SNX29: variants seen among roughly 807,000 people sequenced by gnomAD.
The protein encoded by SNX29 is sorting nexin 29, also known as sorting nexin-29.
Under a neutral mutation model 102.1 loss-of-function variants are expected in SNX29, and 78 were observed. The observed-to-expected ratio is 0.76, with a 90% CI of 0.64 to 0.92. SNX29 has a LOEUF of 0.92. Ranked by LOEUF, SNX29 falls within the 40% of genes least tolerant of loss-of-function variation. The pLI is 0.00. For missense variants in SNX29, 1,280 were observed against 1,061.7 expected (o/e 1.21, Z -2.86); for synonymous variants, 580 against 414.5 (o/e 1.40, Z -4.85).
chr16:12,350,259 C>T (rs2081956652), intron 15 of SNX29, among the ~76,000 whole-genome samples: 1 of 152,188 alleles, frequency 6.6e-6, no homozygotes, highest in Non-Finnish European at 1.5e-5. Flanking sequence ...GGGGAGAATG[C>T]ATCTGTACTG....
chr16:12,304,913 A>T (rs1284527206), intron 15 of SNX29, among the ~76,000 whole-genome samples: 2 of 152,224 alleles, frequency 1.3e-5, no homozygotes, highest in African/African-American at 2.4e-5. Context: ...AGCTGCCTTG[A>T]TCATCTATTT....
In SNX29 at chr16:12,535,764, T is replaced by C. The variant is rs908593207; in HGVS notation, c.2318+10923T>C. 2.6e-5 allele frequency among the ~76,000 whole-genome samples: 4 copies of C among 152,036 alleles called. No homozygotes were observed. The East Asian group carries it at 7.7e-4, about 29-fold the overall frequency. On this transcript the variant is annotated intron_variant, in intron 20 of 20. Coordinates refer to ENST00000566228, the MANE Select transcript of SNX29 (RefSeq NM_032167.5). The stretch of plus-strand genomic sequence containing the variant: ...CGCTCGTCTTCCACCACTGTGTGTC[T>C]CCTCTGGAGGTCCTCAGAGTATAGA...
chr16:12,536,115 C>T (rs1341315508), intron 20 of SNX29, among the ~76,000 whole-genome samples: 1 of 152,148 alleles, frequency 6.6e-6, no homozygotes, highest in African/African-American at 2.4e-5. Flanking sequence ...GAAGGGTGAA[C>T]ACAGCCCAGC....
chr16:12,262,319 C>G (rs959772181), intron 14 of SNX29, among the ~76,000 whole-genome samples: 3 of 152,154 alleles, frequency 2.0e-5, no homozygotes, highest in African/African-American at 4.8e-5. Flanking sequence ...GGTGACTGTT[C>G]AGGGTCACAG....
chr16:12,546,310 G>T (rs1296669154), intron 20 of SNX29: 1 of 152,262 alleles, frequency 6.6e-6, no homozygotes, highest in African/African-American at 2.4e-5. Context: ...ACCTGAGACT[G>T]TGCAATTTAC....
chr16:12,572,341 C>G lies in SNX29; in HGVS notation c.*3712C>G, dbSNP rs925025006. ...ACAGGAGTGAAGCCCACCAGCCTGC[C>G]TGGTTGATGGACAGCAGGCTCTGCC... On this transcript the variant is annotated 3_prime_UTR_variant, in exon 21 of 21. Coordinates refer to ENST00000566228, the MANE Select transcript of SNX29 (RefSeq NM_032167.5). 2 of 1,063,368 alleles carry G rather than the reference C, an allele frequency of 1.9e-6. No homozygotes were observed. Among genetic ancestry groups the G allele is most frequent in the South Asian group, 4.5e-5 (1 of 21,982 alleles). The allele number at this position is 1,063,368 out of a possible 1,614,324, so 65.9% of individuals were successfully genotyped here.
intron 14 of SNX29, among the ~76,000 whole-genome samples, chr16:12,274,371 G>A (rs529630816): frequency 6.6e-6 from 1 of 152,186 alleles, no homozygotes; most frequent in Non-Finnish European, 1.5e-5. Context: ...GTCTGTGAGT[G>A]AGGCTTGCTT....
At chr16:12,516,414 G>A (rs2089866164) in intron 19 of SNX29, among the ~76,000 whole-genome samples, 2 of 151,428 alleles carry the variant, frequency 1.3e-5, no homozygotes, top group African/African-American at 4.9e-5. Context: ...TGGGAGGTCA[G>A]GGCTGCAGTG....
chr16:12,250,163 G>T (rs1483021264), intron 14 of SNX29, among the ~76,000 whole-genome samples: 1 of 152,188 alleles, frequency 6.6e-6, no homozygotes, highest in Non-Finnish European at 1.5e-5. Flanking sequence ...GTGGCCAAAG[G>T]GTTCCAGGCA....
Position 12,533,470 on chromosome 16 carries a change from C to T in SNX29, c.2318+8629C>T, listed in dbSNP as rs210725. ...AATGTTGCACCTCCCCACCCCCATC[C>T]CCAGCAGTGGGGTTCCTGGACAGAC... On this transcript the variant is annotated intron_variant, in intron 20 of 20. Transcript: ENST00000566228. Among the ~76,000 whole-genome samples the T allele has an allele frequency of 8.2e-3, 1,256 of 152,300 alleles. 16 individuals are homozygous for T. The highest frequency in any genetic ancestry group is 0.028 in the African/African-American group (1,169 of 41,544).
intron 14 of SNX29, among the ~76,000 whole-genome samples, chr16:12,270,597 C>G (rs1175715080): frequency 6.6e-6 from 1 of 152,196 alleles, no homozygotes; most frequent in East Asian, 1.9e-4. Flanking sequence ...AGTCGATTCC[C>G]TCACTTTGTA....
intron 20 of SNX29, among the ~76,000 whole-genome samples, chr16:12,550,765 G>T (rs942019879): frequency 2.0e-5 from 3 of 150,608 alleles, no homozygotes; most frequent in African/African-American, 7.4e-5. Context: ...AGTTGAAAAA[G>T]TGTAGAGGCT....
intron 11 of SNX29, among the ~76,000 whole-genome samples, chr16:12,113,199 C>T (rs2053565165): frequency 6.6e-6 from 1 of 152,196 alleles, no homozygotes; most frequent in South Asian, 2.1e-4. Context: ...TTTCATTTTG[C>T]AGATGCCTAA....
chr16:11,981,398 C>G (rs921283491), intron 1 of SNX29, among the ~76,000 whole-genome samples: 1 of 152,096 alleles, frequency 6.6e-6, no homozygotes, highest in South Asian at 2.1e-4. Context: ...GCCACCATGC[C>G]TGGGCTCTTT....
chr16:12,333,106 A>ATTTTTT lies in SNX29; in HGVS notation c.1783-23045_1783-23040dup, dbSNP rs34047585. Among the ~76,000 whole-genome samples, 253 of 135,764 alleles carry ATTTTTT rather than the reference A, an allele frequency of 1.9e-3. 3 individuals carry two copies. The highest frequency in any genetic ancestry group is 5.9e-3 in the African/African-American group (214 of 36,136). 89.1% of individuals were successfully genotyped at this position (135,764 alleles called of 152,430 possible). ...CAAATGTTTTGCAGGCAATCAGTTA[A>ATTTTTT]TTTTTTTTTTTTTTTTTGAGGCAGA... On this transcript the variant is annotated intron_variant, in intron 15 of 20. Coordinates refer to ENST00000566228, the MANE Select transcript of SNX29 (RefSeq NM_032167.5).
In SNX29 at chr16:11,985,337, G is replaced by A. The variant is rs759317445; in HGVS notation, c.7+8524G>A. On this transcript the variant is annotated intron_variant, in intron 1 of 20. Transcript: ENST00000566228. ...GAAGCAAAAGGATGTTGTTGGGACC[G>A]TGCTGAGTGTGTTAGCCAGGGCTCT... is the stretch of plus-strand genomic sequence containing the variant. Among the ~76,000 whole-genome samples the A allele has an allele frequency of 3.9e-5, 6 of 152,298 alleles. No individual in the cohort carries two copies. In the East Asian group the frequency reaches 7.7e-4, roughly 20 times the overall value.
intron 14 of SNX29, among the ~76,000 whole-genome samples, chr16:12,226,808 C>T (rs896835793): frequency 2.0e-5 from 3 of 152,026 alleles, no homozygotes; most frequent in African/African-American, 7.2e-5. Context: ...GAACTCCCGA[C>T]CTTAGATTAT....
intron 2 of SNX29, among the ~76,000 whole-genome samples, chr16:12,001,333 G>A (rs1343899689): frequency 2.0e-5 from 3 of 152,040 alleles, no homozygotes; most frequent in Admixed American, 1.3e-4. Flanking sequence ...GGCTGGTCTC[G>A]AACTCCTGAC....
At chr16:12,194,075 T>C (rs1418403136) in intron 13 of SNX29, among the ~76,000 whole-genome samples, 1 of 152,220 alleles carries the variant, frequency 6.6e-6, no homozygotes, top group African/African-American at 2.4e-5. Context: ...TAGATCAATT[T>C]TGGGGAAATT....
Sources: allele counts gnomAD v4.1 joint callset (sites outside exome capture counted in the v4.1 genomes callset), GRCh38; gene constraint gnomAD v4.1.1; transcripts MANE v1.5; gene names NCBI Gene and HGNC (gene_info 2026-07-23, HGNC 2026-07-21).